Variants in CBX6 observed in about 807,000 individuals in gnomAD.
CBX6 encodes the protein chromobox protein homolog 6.
A neutral mutation model predicts 28.4 loss-of-function variants in CBX6; 7 were observed. That is an observed-to-expected ratio of 0.25 (90% CI 0.14 to 0.46). CBX6 has a LOEUF of 0.46. Among genes scored for constraint, CBX6 ranks in the 20% least tolerant of loss-of-function variants. CBX6 has a pLI of 0.99. For synonymous variants in CBX6, 297 were observed against 273.4 expected (o/e 1.09, Z -0.85); for missense variants, 512 against 606.1 (o/e 0.84, Z 1.63).
Position 38,872,162 on chromosome 22 carries a change from A to G in CBX6, c.29T>C (p.Val10Ala). The G allele has an allele frequency of 7.0e-7, 1 of 1,421,156 alleles. No individual in the cohort carries two copies. The highest frequency in any genetic ancestry group is 9.3e-7 in the Non-Finnish European group (1 of 1,071,562). The allele number at this position is 1,421,156 out of a possible 1,614,324, so 88.0% of individuals were successfully genotyped here. Residue 10 changes from valine (V) to alanine (A), a missense_variant, in exon 1 of 5, where the codon GTC (valine) becomes GCC (alanine). Val to Ala is a moderately conservative substitution (Grantham distance 64). Transcript: ENST00000407418. The surrounding 1 kb of genome is among the most constrained non-coding windows in gnomAD (Gnocchi z 5.0). The part of the protein sequence containing the change: MELSAVGER[V>A]FAAESIIKRR... ...TTTGATGATGGATTCGGCCGCGAAGACCCGCTCGCCCACTGCAGACAGCTC... is the reference window on the plus strand; with the variant it reads ...TTTGATGATGGATTCGGCCGCGAAGGCCCGCTCGCCCACTGCAGACAGCTC...
intron 4 of CBX6, chr22:38,869,529 T>C (rs1330153037): frequency 4.6e-5 from 7 of 152,176 alleles, no homozygotes; most frequent in Non-Finnish European, 8.8e-5. Flanking sequence ...TTGGCATACA[T>C]TGACATTTCT....
Position 38,866,730 on chromosome 22 carries a change from C to T in CBX6, c.718G>A (p.Ala240Thr). 1 of 1,265,674 alleles carries T rather than the reference C, an allele frequency of 7.9e-7. No homozygotes were observed. 78.4% of individuals were successfully genotyped at this position (1,265,674 alleles called of 1,614,324 possible). A position where few individuals can be genotyped will look rare whatever the true frequency, so the allele number is the denominator to read the frequency against. The change falls in exon 5 of 5, where the codon GCC becomes ACC. Residue 240 changes from alanine to threonine, a missense_variant. Coordinates refer to ENST00000407418, the MANE Select transcript of CBX6 (RefSeq NM_014292.5). The surrounding 1 kb of genome is among the most constrained non-coding windows in gnomAD (Gnocchi z 7.5). ...CCGGGGGACGGGGCTACCAGGGGGG[C>T]GGGCGGAGGCTTGTACAGCGCAAAG... is the stretch of plus-strand genomic sequence containing the variant. The part of the protein sequence containing the change: ...GAFALYKPPP[A>T]PLVAPSPGKA...
In CBX6 at chr22:38,866,642, T is replaced by C; in HGVS notation, c.806A>G (p.Asp269Gly). 1 of 1,511,070 alleles carries C rather than the reference T, an allele frequency of 6.6e-7. No individual in the cohort carries two copies. The highest frequency in any genetic ancestry group is 1.2e-5 in the South Asian group (1 of 80,544). The allele number at this position is 1,511,070 out of a possible 1,614,324, so 93.6% of individuals were successfully genotyped here. A position where few individuals can be genotyped will look rare whatever the true frequency, so the allele number is the denominator to read the frequency against. Residue 269 changes from aspartate to glycine, a missense_variant, in exon 5 of 5, where the codon GAC becomes GGC. By Grantham distance (94) the Asp-to-Gly change is moderately conservative. This residue lies in a region of CBX6 where 290 missense variants were observed against 274.1 expected (regional missense o/e 1.06). Transcript: ENST00000407418. The surrounding 1 kb of genome is among the most constrained non-coding windows in gnomAD (Gnocchi z 7.5). ...LLLAAPAAPY[D>G]ARSSGSSGCP... ...GCCGGAGGAGCCAGAGCTGCGGGCG[T>C]CGTAGGGGGCGGCGGGGGCGGCCAG...
Position 38,866,671 on chromosome 22 carries a change from T to G in CBX6, c.777A>C (p.Leu259=), listed in dbSNP as rs754783934. 6.7e-7 allele frequency: 1 copy of G among 1,491,452 alleles called. No individual in the cohort carries two copies. Among genetic ancestry groups the G allele is most frequent in the Middle Eastern group, 2.1e-4 (1 of 4,750 alleles). The allele number at this position is 1,491,452 out of a possible 1,614,324, so 92.4% of individuals were successfully genotyped here. A position where few individuals can be genotyped will look rare whatever the true frequency, so the allele number is the denominator to read the frequency against. Residue 259 remains leucine (L), a synonymous_variant, in exon 5 of 5, where the codon CTA becomes CTC. Coordinates refer to ENST00000407418, the MANE Select transcript of CBX6 (RefSeq NM_014292.5). The surrounding 1 kb of genome is among the most constrained non-coding windows in gnomAD (Gnocchi z 7.5). ...KAEASAPGPG[L]LLAAPAAPYD... is the part of the protein sequence containing the mutation. ...AGGGGGCGGCGGGGGCGGCCAGAAG[T>G]AGCCCAGGGCCCGGGGCTGAGGCCT...
chr22:38,868,120 G>A (rs184182797), intron 4 of CBX6, among the ~76,000 whole-genome samples: 45 of 152,316 alleles, frequency 3.0e-4, no homozygotes, highest in East Asian at 1.7e-3. Flanking sequence ...CAACCCACCC[G>A]TTGTCAGATG....
At position 38,862,838 on chromosome 22, in the gene CBX6, C is replaced by T. The variant is rs914686552; in HGVS notation, c.*3371G>A. ...GGGCCCTGCCTTTTAAAGGGCTTTT[C>T]CCCATAGGCCAAAGCATCCTGGGCC... On this transcript the variant is annotated 3_prime_UTR_variant, in exon 5 of 5. Coordinates refer to ENST00000407418, the MANE Select transcript of CBX6 (RefSeq NM_014292.5). The T allele has an allele frequency of 6.6e-6, 1 of 152,242 alleles. No individual in the cohort carries two copies. Among genetic ancestry groups the T allele is most frequent in the African/African-American group, 2.4e-5 (1 of 41,458 alleles). The allele number at this position is 152,242 out of a possible 1,614,324, so 9.4% of individuals were successfully genotyped here.
rs756154140 is a variant in CBX6, at chr22:38,871,964, A to G, written c.70-19T>C. 5.6e-5 allele frequency: 86 copies of G among 1,522,822 alleles called. No homozygotes were observed. In the African/African-American group the frequency reaches 1.0e-3, roughly 18 times the overall value. 94.3% of individuals were successfully genotyped at this position (1,522,822 alleles called of 1,614,324 possible). Reference sequence around the variant, plus strand: ...TGCGTCCCTGAAAAACAGAGGGGAGAAAAACGGGGGTGGGGGTGGGGAGGA... The same window carrying G: ...TGCGTCCCTGAAAAACAGAGGGGAGGAAAACGGGGGTGGGGGTGGGGAGGA... On this transcript the variant is annotated intron_variant, in intron 1 of 4. Transcript: ENST00000407418. This position sits in a 1 kb window ranked among gnomAD's most constrained non-coding sequence, Gnocchi z 5.6.
At position 38,863,976 on chromosome 22, in the gene CBX6, G is replaced by A. The variant is rs2093163554; in HGVS notation, c.*2233C>T. On this transcript the variant is annotated 3_prime_UTR_variant, in exon 5 of 5. Coordinates refer to ENST00000407418, the MANE Select transcript of CBX6 (RefSeq NM_014292.5). ...AAACCTCAGCTTGCCGGGACCTGCA[G>A]CTTGGGTTAGCTCCCGGGGGCCCGC... 6.6e-6 allele frequency: 1 copy of A among 152,238 alleles called. No homozygotes were observed. The highest frequency in any genetic ancestry group is 2.4e-5 in the African/African-American group (1 of 41,454). The allele number at this position is 152,238 out of a possible 1,614,324, so 9.4% of individuals were successfully genotyped here.
chr22:38,866,867 GC>G lies in CBX6; in HGVS notation c.580del (p.Ala194ProfsTer16). On this transcript the variant is annotated frameshift_variant, in exon 5 of 5. Transcript: ENST00000407418. LOFTEE classifies it high-confidence loss of function. The surrounding 1 kb of genome is among the most constrained non-coding windows in gnomAD (Gnocchi z 7.5). ...GAGGGGAGQG[A>X]GALARPKVPS... ...GACTTTGGGGCGGGCCAGCGCCCCG[GC>G]CCCCTGCCCGGCGCCCCCGCCGCCA... 1 of 1,602,558 alleles carries G rather than the reference GC, an allele frequency of 6.2e-7. No individual in the cohort carries two copies.
In CBX6 at chr22:38,866,611, G is replaced by A. The variant is rs1410956132; in HGVS notation, c.837C>T (p.Pro279=). The A allele has an allele frequency of 1.3e-5, 20 of 1,513,726 alleles. No homozygotes were observed. Among genetic ancestry groups the A allele is most frequent in the Non-Finnish European group, 1.7e-5 (19 of 1,134,054 alleles). 93.8% of individuals were successfully genotyped at this position (1,513,726 alleles called of 1,614,324 possible). The change falls in exon 5 of 5, where the codon CCC becomes CCT. Residue 279 remains proline (P), a synonymous_variant. Transcript: ENST00000407418. The surrounding 1 kb of genome is among the most constrained non-coding windows in gnomAD (Gnocchi z 7.5). ...GGTCAGAGGACTGTGGTGTAGGCGAGGGGCAGCCGGAGGAGCCAGAGCTGC... is the reference window on the plus strand; with the variant it reads ...GGTCAGAGGACTGTGGTGTAGGCGAAGGGCAGCCGGAGGAGCCAGAGCTGC... ...DARSSGSSGC[P]SPTPQSSDPD...
At chr22:38,867,682 C>T (rs1370866514) in intron 4 of CBX6, among the ~76,000 whole-genome samples, 1 of 152,238 alleles carries the variant, frequency 6.6e-6, no homozygotes, top group Non-Finnish European at 1.5e-5. Context: ...CCCTGCTCCC[C>T]CGCACCAAGT....
intron 4 of CBX6, among the ~76,000 whole-genome samples, chr22:38,867,595 C>T (rs1434807210): frequency 6.6e-6 from 1 of 152,240 alleles, no homozygotes; most frequent in African/African-American, 2.4e-5. Flanking sequence ...TAAACCCCTG[C>T]TCTGTGGCAG....
chr22:38,867,314 C>T, intron 4 of CBX6, 113 bp from the exon 5 acceptor site: 1 of 921,892 alleles, frequency 1.1e-6, no homozygotes, highest in Non-Finnish European at 1.6e-6. Flanking sequence ...ATCCCGAGAT[C>T]ATTTAAGATA....
At position 38,866,963 on chromosome 22, in the gene CBX6, C is replaced by A. The variant is rs1003303920; in HGVS notation, c.485G>T (p.Arg162Leu). The A allele has an allele frequency of 6.2e-7, 1 of 1,609,214 alleles. No homozygotes were observed. Among genetic ancestry groups the A allele is most frequent in the Non-Finnish European group, 8.5e-7 (1 of 1,178,408 alleles). Residue 162 changes from arginine to leucine, a missense_variant, in exon 5 of 5, where the codon CGC becomes CTC. Arg to Leu is a moderately radical substitution (Grantham distance 102). This residue lies in a region of CBX6 where 123 missense variants were observed against 138.1 expected (regional missense o/e 0.89). Transcript: ENST00000407418. The surrounding 1 kb of genome is among the most constrained non-coding windows in gnomAD (Gnocchi z 7.5). ...PFSETVRIIN[R>L]KVKPREPKRN... ...CTTGGGCTCCCGCGGCTTCACCTTG[C>A]GGTTGATGATGCGCACCGTCTCCGA...
In CBX6 at chr22:38,866,645, T is replaced by C. The variant is rs1177935484; in HGVS notation, c.803A>G (p.Tyr268Cys). The C allele has an allele frequency of 2.0e-6, 3 of 1,481,930 alleles. No homozygotes were observed. Among genetic ancestry groups the C allele is most frequent in the Admixed American group, 2.2e-5 (1 of 45,990 alleles). The allele number at this position is 1,481,930 out of a possible 1,614,324, so 91.8% of individuals were successfully genotyped here. A position where few individuals can be genotyped will look rare whatever the true frequency, so the allele number is the denominator to read the frequency against. ...GLLLAAPAAP[Y>C]DARSSGSSGC... ...GGAGGAGCCAGAGCTGCGGGCGTCG[T>C]AGGGGGCGGCGGGGGCGGCCAGAAG... The change falls in exon 5 of 5, where the codon TAC becomes TGC. Residue 268 changes from tyrosine (Y) to cysteine (C), a missense_variant. Coordinates refer to ENST00000407418, the MANE Select transcript of CBX6 (RefSeq NM_014292.5). The surrounding 1 kb of genome is among the most constrained non-coding windows in gnomAD (Gnocchi z 7.5).
chr22:38,871,324 TGGG>T lies in CBX6; in HGVS notation c.246+153_246+155del, dbSNP rs140963875. 2 of 693,158 alleles carry T rather than the reference TGGG, an allele frequency of 2.9e-6. No homozygotes were observed. The highest frequency in any genetic ancestry group is 4.9e-5 in the Admixed American group (2 of 40,446). The allele number at this position is 693,158 out of a possible 1,614,324, so 42.9% of individuals were successfully genotyped here. A position where few individuals can be genotyped will look rare whatever the true frequency, so the allele number is the denominator to read the frequency against. On this transcript the variant is annotated intron_variant, in intron 4 of 4. Transcript: ENST00000407418. The surrounding 1 kb of genome is among the most constrained non-coding windows in gnomAD (Gnocchi z 5.6). The stretch of plus-strand genomic sequence containing the variant: ...GCTGAGGCCTGCCATCAGGGGCTTC[TGGG>T]GGGGCTCACAACCACCCCCTGCCCA...
chr22:38,872,114 C>A lies in CBX6; in HGVS notation c.69+8G>T. The A allele has an allele frequency of 7.2e-7, 1 of 1,385,244 alleles. No homozygotes were observed. The allele number at this position is 1,385,244 out of a possible 1,614,324, so 85.8% of individuals were successfully genotyped here. Reference sequence around the variant, plus strand: ...GACAGCGGCGGCCCGCCCCGGGCGGCGGCTCACCTTTCGGATCCGCCGTTT... The same window carrying A: ...GACAGCGGCGGCCCGCCCCGGGCGGAGGCTCACCTTTCGGATCCGCCGTTT... On this transcript the variant is annotated splice_region_variant and intron_variant, in intron 1 of 4. Coordinates refer to ENST00000407418, the MANE Select transcript of CBX6 (RefSeq NM_014292.5). The surrounding 1 kb of genome is among the most constrained non-coding windows in gnomAD (Gnocchi z 5.0).
Position 38,866,197 on chromosome 22 carries a change from G to T in CBX6, c.*12C>A. 2.6e-6 allele frequency: 4 copies of T among 1,562,640 alleles called. No homozygotes were observed. Among genetic ancestry groups the T allele is most frequent in the Admixed American group, 1.8e-5 (1 of 57,046 alleles). On this transcript the variant is annotated 3_prime_UTR_variant, in exon 5 of 5. Coordinates refer to ENST00000407418, the MANE Select transcript of CBX6 (RefSeq NM_014292.5). The surrounding 1 kb of genome is among the most constrained non-coding windows in gnomAD (Gnocchi z 7.5). ...AGGGCCCCCCCAAGCCCCCCTCCTT[G>T]GTGGAGCCCCCTCACTTGCTCGCCC...
At chr22:38,867,548 G>A (rs2146214157) in intron 4 of CBX6, among the ~76,000 whole-genome samples, 1 of 152,346 alleles carries the variant, frequency 6.6e-6, no homozygotes, top group African/African-American at 2.4e-5. Context: ...TTGGGACACA[G>A]TGTCGGGAGG....
Sources: gnomAD v4.1 joint callset for allele counts (sites outside exome capture counted in the v4.1 genomes callset) on GRCh38, gnomAD v4.1.1 for gene constraint, gnomAD v4.1.1 regional missense constraint, Gnocchi (gnomAD v3.1) non-coding constraint, MANE v1.5 for transcripts, NCBI Gene and HGNC (gene_info 2026-07-23, HGNC 2026-07-21) for gene names.